The following ZCWPW2 variants were observed in gnomAD, a reference collection of about 807,000 sequenced individuals.
ZCWPW2 encodes zinc finger CW-type and PWWP domain containing 2.
ZCWPW2 carries 45 observed loss-of-function variants against 46.6 expected under a neutral mutation model. The ratio of observed to expected loss-of-function variants is 0.96; its 90% CI spans 0.76 to 1.24. ZCWPW2 has a LOEUF of 1.24. ZCWPW2 is among the 50% of genes most tolerant of loss of function. The pLI, the probability that ZCWPW2 is intolerant of heterozygous loss-of-function variation, is 0.00. For synonymous variants in ZCWPW2, 152 were observed against 137.1 expected, an observed-to-expected ratio of 1.11 and a Z score of -0.76; for missense variants, 429 against 403.9, an observed-to-expected ratio of 1.06 and a Z score of -0.53.
At chr3:28,458,655 G>A (rs17639954) in intron 4 of ZCWPW2, among the ~76,000 whole-genome samples, 5 of 151,832 alleles carry the variant, frequency 3.3e-5, no homozygotes, top group Non-Finnish European at 7.4e-5. Flanking sequence ...TTACATCGGG[G>A]CATCTGCTTC....
At chr3:28,352,126 GCACACACACACACACA>G (rs111383620) in intron 1 of ZCWPW2, among the ~76,000 whole-genome samples, 13 of 129,606 alleles carry the variant, frequency 1.0e-4, no homozygotes, top group Admixed American at 2.4e-4. Flanking sequence ...TCAGATGTAT[GCACACACACACACACA>G]CACACACACA....
chr3:28,432,445 G>A (rs7638450), intron 3 of ZCWPW2, among the ~76,000 whole-genome samples: 44,435 of 151,998 alleles, frequency 0.29, 6,767 homozygotes, highest in African/African-American at 0.33. Flanking sequence ...GGTATATTAG[G>A]TATGCATATT....
intron 1 of ZCWPW2, among the ~76,000 whole-genome samples, chr3:28,353,083 C>T (rs1055786081): frequency 6.6e-6 from 1 of 151,956 alleles, no homozygotes; most frequent in African/African-American, 2.4e-5. Flanking sequence ...CCTGGGGAGG[C>T]TCAGGCACGA....
chr3:28,514,122 G>A lies in ZCWPW2; in HGVS notation c.716G>A (p.Arg239Lys), dbSNP rs758105232. ...KKKPKFRKRK[R>K]KAILKCSFEN... ...AAGCCCAAATTTAGAAAAAGGAAAA[G>A]GTATGCTTTTTGAAATTAAATAGTA... is the stretch of plus-strand genomic sequence containing the variant. The change falls in exon 7 of 10, where the codon AGG (arginine) becomes AAG (lysine). Residue 239 changes from arginine (R) to lysine (K), a missense_variant and splice_region_variant. Physicochemically the swap from Arg to Lys is conservative, Grantham distance 26. Coordinates refer to ENST00000383768, the MANE Select transcript of ZCWPW2 (RefSeq NM_001040432.4). 1 of 1,473,068 alleles carries A rather than the reference G, an allele frequency of 6.8e-7. No individual in the cohort carries two copies. Among genetic ancestry groups the A allele is most frequent in the Non-Finnish European group, 9.3e-7 (1 of 1,077,512 alleles). 91.2% of individuals were successfully genotyped at this position (1,473,068 alleles called of 1,614,324 possible).
chr3:28,361,578 A>G (rs1488283780), intron 1 of ZCWPW2, among the ~76,000 whole-genome samples: 1 of 152,154 alleles, frequency 6.6e-6, no homozygotes, highest in Non-Finnish European at 1.5e-5. Flanking sequence ...CAAAAGAAAC[A>G]ACAGAGTGAA....
At chr3:28,349,259 C>G in intron 1 of ZCWPW2, 56 bp downstream of exon 1, 6 of 949,316 alleles carry the variant, frequency 6.3e-6, no homozygotes, top group Non-Finnish European at 7.5e-6. Context: ...TTCAGGGGCG[C>G]CCTCTGGTGC....
At chr3:28,515,738 TG>T in intron 8 of ZCWPW2, 117 bp downstream of exon 8, 1 of 798,700 alleles carries the variant, frequency 1.3e-6, no homozygotes, top group Non-Finnish European at 1.9e-6. Context: ...TGTGTGTGTG[TG>T]TGTGTGTATA....
At chr3:28,466,651 T>C (rs1161288328) in intron 4 of ZCWPW2, among the ~76,000 whole-genome samples, 2 of 151,778 alleles carry the variant, frequency 1.3e-5, no homozygotes, top group Non-Finnish European at 2.9e-5. Flanking sequence ...ATACAAAAAT[T>C]AGCCAAGTGT....
chr3:28,509,628 T>C (rs541196508), intron 6 of ZCWPW2, among the ~76,000 whole-genome samples: 10 of 152,306 alleles, frequency 6.6e-5, no homozygotes, highest in African/African-American at 1.7e-4. Context: ...TTTATACATC[T>C]TCTTTGGAGA....
chr3:28,480,437 G>A (rs528278300), intron 5 of ZCWPW2, among the ~76,000 whole-genome samples: 29 of 151,062 alleles, frequency 1.9e-4, no homozygotes, highest in African/African-American at 6.8e-4. Flanking sequence ...ACTTGTTTAA[G>A]TTCCCTATAG....
intron 1 of ZCWPW2, among the ~76,000 whole-genome samples, chr3:28,367,564 A>G (rs1705168283): frequency 6.6e-6 from 1 of 152,216 alleles, no homozygotes; most frequent in Non-Finnish European, 1.5e-5. Context: ...TTTACTTCCA[A>G]CTATTTGGTC....
intron 1 of ZCWPW2, among the ~76,000 whole-genome samples, chr3:28,366,633 G>A (rs1437334930): frequency 6.7e-6 from 1 of 149,882 alleles, no homozygotes; most frequent in Non-Finnish European, 1.5e-5. Context: ...GCCACACTTT[G>A]GTATCAGGAT....
chr3:28,433,917 GTT>G (rs71295064), intron 3 of ZCWPW2, among the ~76,000 whole-genome samples: 3 of 140,728 alleles, frequency 2.1e-5, no homozygotes, highest in Non-Finnish European at 3.1e-5. Flanking sequence ...TTCCACCCCA[GTT>G]TTTTTTTTTT....
chr3:28,467,095 C>T (rs1698852074), intron 4 of ZCWPW2, among the ~76,000 whole-genome samples: 1 of 152,038 alleles, frequency 6.6e-6, no homozygotes. Context: ...TATAGAAATT[C>T]CACAAATAAA....
At chr3:28,488,999 C>T (rs901984403) in intron 5 of ZCWPW2, among the ~76,000 whole-genome samples, 5 of 152,118 alleles carry the variant, frequency 3.3e-5, no homozygotes, top group Non-Finnish European at 7.4e-5. Flanking sequence ...TGAAAATCAA[C>T]GTGGTTGTTG....
chr3:28,435,166 C>T lies in ZCWPW2; in HGVS notation c.389C>T (p.Pro130Leu), dbSNP rs371891929. ...AAAGGGAAATATGTAACTTATGACC[C>T]GGATGGAAATGTTGAAGAGTATCAC... ...RFKGKYVTYD[P>L]DGNVEEYHIE... The change falls in exon 4 of 10, where the codon CCG (proline) becomes CTG (leucine). Residue 130 changes from proline (P) to leucine (L), a missense_variant. By Grantham distance (98) the Pro-to-Leu change is moderately conservative (BLOSUM62 -3). Transcript: ENST00000383768. 5.2e-5 allele frequency: 84 copies of T among 1,613,350 alleles called. No individual in the cohort carries two copies. The highest frequency in any genetic ancestry group is 1.6e-4 in the Middle Eastern group (1 of 6,082).
Position 28,348,943 on chromosome 3 carries a change from C to CAG in ZCWPW2, c.-394_-393insAG, listed in dbSNP as rs1012059891. 6.1e-6 allele frequency: 6 copies of CAG among 985,352 alleles called. No individual in the cohort carries two copies. In the African/African-American group the frequency reaches 8.7e-5, roughly 14 times the overall value. 61.0% of individuals were successfully genotyped at this position (985,352 alleles called of 1,614,324 possible). ...GCACGGGCCGGAGGGAGGGGAAGCA[C>CAG]TCCGGAAAGTGATTGGAAGTGTGGA... is the stretch of plus-strand genomic sequence containing the variant. On this transcript the variant is annotated 5_prime_UTR_variant, in exon 1 of 10. Transcript: ENST00000383768.
intron 5 of ZCWPW2, among the ~76,000 whole-genome samples, chr3:28,488,200 T>C (rs1699671937): frequency 6.6e-6 from 1 of 152,152 alleles, no homozygotes; most frequent in Non-Finnish European, 1.5e-5. Context: ...TCTAGCAATT[T>C]GTCAATTAAA....
intron 1 of ZCWPW2, among the ~76,000 whole-genome samples, chr3:28,390,246 G>T (rs1448801918): frequency 6.6e-6 from 1 of 152,006 alleles, no homozygotes; most frequent in Non-Finnish European, 1.5e-5. Flanking sequence ...AAAAAACAAA[G>T]AATTATTTTT....
Sources: gnomAD v4.1 joint callset for allele counts (sites outside exome capture counted in the v4.1 genomes callset) on GRCh38, gnomAD v4.1.1 for gene constraint, MANE v1.5 for transcripts, NCBI Gene and HGNC (gene_info 2026-07-23, HGNC 2026-07-21) for gene names.